The following ITIH2 variants were observed in gnomAD, a reference collection of about 807,000 sequenced individuals.
ITIH2 encodes inter-alpha-trypsin inhibitor heavy chain 2.
In ITIH2, 103 loss-of-function variants were observed where a neutral mutation model predicts 104.4. That is an observed-to-expected ratio of 0.99 (90% CI 0.84 to 1.16). ITIH2 has a LOEUF of 1.16. ITIH2 is among the 50% of genes most tolerant of loss of function. The probability of loss-of-function intolerance (pLI) is 0.00; values close to 1 mark genes in which losing one functional copy is unlikely to be tolerated. For missense variants in ITIH2, 1,108 were observed against 1,162.4 expected, an observed-to-expected ratio of 0.95 and a Z score of 0.68; for synonymous variants, 436 against 435.4, an observed-to-expected ratio of 1.00 and a Z score of -0.02.
At chr10:7,708,912 T>A in intron 3 of ITIH2, 110 bp from the exon 4 acceptor site, 1 of 913,530 alleles carries the variant, frequency 1.1e-6, no homozygotes, top group Non-Finnish European at 1.7e-6. Flanking sequence ...GGAATTGTTC[T>A]GCTAGTAAAA....
intron 6 of ITIH2, among the ~76,000 whole-genome samples, chr10:7,718,086 G>T (rs942595977): frequency 1.6e-4 from 25 of 152,076 alleles, no homozygotes; most frequent in African/African-American, 5.8e-4. Context: ...TGAAGTCAAG[G>T]TGTCTGCAGA....
At chr10:7,735,750 G>A (rs186604927) in intron 15 of ITIH2, among the ~76,000 whole-genome samples, 2 of 145,778 alleles carry the variant, frequency 1.4e-5, no homozygotes, top group East Asian at 2.0e-4. Context: ...TCAGCTCCCT[G>A]CAACCTCAGC....
chr10:7,748,996 C>G (rs759274039), intron 20 of ITIH2, among the ~76,000 whole-genome samples, 191 bp from the exon 21 acceptor site: 1 of 152,178 alleles, frequency 6.6e-6, no homozygotes, highest in Non-Finnish European at 1.5e-5. Context: ...GGACGCTTCG[C>G]TGATTCTCTG....
rs201205883 is a variant in ITIH2, at chr10:7,729,910, T to C, written c.1280-42T>C. On this transcript the variant is annotated intron_variant, in intron 11 of 20. Transcript: ENST00000358415. ...TGGATTTTCCAGAAAATTTATGATATTGCTTCTTCATTCCTTTCCTTTCGG... is the reference window on the plus strand; with the variant it reads ...TGGATTTTCCAGAAAATTTATGATACTGCTTCTTCATTCCTTTCCTTTCGG... The C allele has an allele frequency of 8.7e-5, 127 of 1,457,184 alleles. No individual in the cohort carries two copies. In the East Asian group the frequency reaches 2.6e-3, roughly 29 times the overall value. The allele number at this position is 1,457,184 out of a possible 1,614,324, so 90.3% of individuals were successfully genotyped here. A position where few individuals can be genotyped will look rare whatever the true frequency, so the allele number is the denominator to read the frequency against.
chr10:7,739,430 AG>A (rs1257069690), intron 16 of ITIH2, among the ~76,000 whole-genome samples: 1 of 152,234 alleles, frequency 6.6e-6, no homozygotes, highest in Non-Finnish European at 1.5e-5. Context: ...GAAATTTAGA[AG>A]GGTGGCTCCT....
chr10:7,739,465 T>C (rs562433265), intron 16 of ITIH2, among the ~76,000 whole-genome samples: 1 of 152,272 alleles, frequency 6.6e-6, no homozygotes, highest in Admixed American at 6.5e-5. Context: ...TTGTGCGGCT[T>C]TCTTGACTGC....
Position 7,745,527 on chromosome 10 carries a change from G to C in ITIH2, c.2581+564G>C, listed in dbSNP as rs1835167933. On this transcript the variant is annotated intron_variant, in intron 19 of 20. Coordinates refer to ENST00000358415, the MANE Select transcript of ITIH2 (RefSeq NM_002216.3). ...CCAGCACTTTAGGAGGCCTGGGCAG[G>C]TGGATTTGCTTGTGGAGTTCAAGGG... Among the ~76,000 whole-genome samples, 3 of 152,000 alleles carry C rather than the reference G, an allele frequency of 2.0e-5. No individual in the cohort carries two copies. In the South Asian group the frequency reaches 6.2e-4, roughly 32 times the overall value.
chr10:7,721,750 A>C lies in ITIH2; in HGVS notation c.840A>C (p.Lys280Asn). ...AACTGGTGGTGCTGTATGACGTGAA[A>C]AGAGAAGAGAAGGCTGGTGAACTGG... is the stretch of plus-strand genomic sequence containing the variant. ...DGELVVLYDV[K>N]REEKAGELEV... is the part of the protein sequence containing the mutation. The change falls in exon 8 of 21, where the codon AAA becomes AAC. Residue 280 changes from lysine to asparagine, a missense_variant. Lys to Asn is a moderately conservative substitution (Grantham distance 94). Coordinates refer to ENST00000358415, the MANE Select transcript of ITIH2 (RefSeq NM_002216.3). The C allele has an allele frequency of 6.2e-7, 1 of 1,613,970 alleles. No homozygotes were observed. Among genetic ancestry groups the C allele is most frequent in the Non-Finnish European group, 8.5e-7 (1 of 1,179,954 alleles).
chr10:7,723,632 A>G (rs779006497), intron 9 of ITIH2, 65 bp downstream of exon 9: 75 of 1,015,630 alleles, frequency 7.4e-5, no homozygotes, highest in Non-Finnish European at 1.1e-4. Flanking sequence ...CCTCCTAAAA[A>G]TGCAATCATT....
intron 5 of ITIH2, chr10:7,713,491 A>G (rs768073421): frequency 1.5e-4 from 77 of 514,304 alleles, no homozygotes; most frequent in Middle Eastern, 4.9e-4. Context: ...GGGTGATCCC[A>G]CGCTGGTTGT....
chr10:7,714,165 ATTTTTTTT>A (rs996413668), intron 5 of ITIH2, among the ~76,000 whole-genome samples: 1 of 84,044 alleles, frequency 1.2e-5, no homozygotes, highest in African/African-American at 5.1e-5. Flanking sequence ...CACACTCACT[ATTTTTTTT>A]TTTTTTTTTT....
intron 4 of ITIH2, among the ~76,000 whole-genome samples, chr10:7,712,899 T>G (rs955863952): frequency 3.3e-5 from 5 of 152,152 alleles, no homozygotes; most frequent in African/African-American, 1.2e-4. Flanking sequence ...GCCAGGTGGA[T>G]CATGAGGTCA....
In ITIH2 at chr10:7,705,256, A is replaced by T. The variant is rs781133775; in HGVS notation, c.159+74A>T. ...ATGGCAGAAGAAGACAAGTGTTAAG[A>T]TGCCTTCTGCTAGATTTTCTTAAGA... On this transcript the variant is annotated intron_variant, in intron 2 of 20. Transcript: ENST00000358415. The T allele has an allele frequency of 6.1e-5, 62 of 1,022,392 alleles. No homozygotes were observed. The Middle Eastern group carries it at 6.2e-4, about 10-fold the overall frequency. 63.3% of individuals were successfully genotyped at this position (1,022,392 alleles called of 1,614,324 possible). A position where few individuals can be genotyped will look rare whatever the true frequency, so the allele number is the denominator to read the frequency against.
intron 6 of ITIH2, among the ~76,000 whole-genome samples, chr10:7,719,710 A>G (rs1001861335): frequency 1.5e-5 from 2 of 130,792 alleles, no homozygotes; most frequent in Non-Finnish European, 3.2e-5. Context: ...GCAGTTAGCT[A>G]TGATCATGCC....
intron 3 of ITIH2, among the ~76,000 whole-genome samples, chr10:7,707,711 T>C (rs1424441454): frequency 6.6e-6 from 1 of 152,116 alleles, no homozygotes; most frequent in Non-Finnish European, 1.5e-5. Flanking sequence ...ATTACAGGCA[T>C]ATGTCTCCTC....
chr10:7,715,774 T>A (rs1204661402), intron 5 of ITIH2, among the ~76,000 whole-genome samples: 1 of 152,194 alleles, frequency 6.6e-6, no homozygotes, highest in East Asian at 1.9e-4. Context: ...TTTCACTCTA[T>A]CACCCTGGAT....
intron 9 of ITIH2, among the ~76,000 whole-genome samples, chr10:7,726,461 A>G (rs563158170): frequency 6.6e-6 from 1 of 152,236 alleles, no homozygotes; most frequent in South Asian, 2.1e-4. Context: ...GGGTACAAAT[A>G]TTGATGGTTG....
rs112231009 is a variant in ITIH2 at position 7,746,315 on chromosome 10, C to T, written c.2582-278C>T. ...ACTTGAGCCCAGGAGGTGGAGGTTGCAGTGAGCCGAGATAGCACCACTGCA... is the reference window on the plus strand; with the variant it reads ...ACTTGAGCCCAGGAGGTGGAGGTTGTAGTGAGCCGAGATAGCACCACTGCA... On this transcript the variant is annotated intron_variant, in intron 19 of 20. Transcript: ENST00000358415. 6.0e-3 allele frequency among the ~76,000 whole-genome samples: 916 copies of T among 151,762 alleles called. 6 individuals carry two copies. The highest frequency in any genetic ancestry group is 0.021 in the African/African-American group (887 of 41,410).
At chr10:7,707,353 G>A in intron 3 of ITIH2, 120 bp downstream of exon 3, 1 of 732,108 alleles carries the variant, frequency 1.4e-6, no homozygotes, top group Non-Finnish European at 2.4e-6. Context: ...TCGAAATACT[G>A]CCTTGCCCAA....
Sources: allele counts gnomAD v4.1 joint callset (sites outside exome capture counted in the v4.1 genomes callset), GRCh38; gene constraint gnomAD v4.1.1; transcripts MANE v1.5; gene names NCBI Gene and HGNC (gene_info 2026-07-23, HGNC 2026-07-21).